Variants in PITPNC1 observed in about 807,000 individuals in gnomAD.
PITPNC1 encodes cytoplasmic phosphatidylinositol transfer protein 1.
In PITPNC1, 18 loss-of-function variants were observed where a neutral mutation model predicts 44.7. The ratio of observed to expected loss-of-function variants is 0.40; its 90% CI spans 0.28 to 0.60. The LOEUF (loss-of-function observed/expected upper bound fraction) is 0.60, where lower values mean the gene tolerates loss of function less well. PITPNC1 is among the 20% of genes least tolerant of loss of function. PITPNC1 has a pLI of 0.39. For synonymous variants in PITPNC1, 141 were observed against 149.6 expected (o/e 0.94, Z 0.42); for missense variants, 290 against 418.4 (o/e 0.69, Z 2.68).
chr17:67,428,839 CTT>C (rs369624053), intron 1 of PITPNC1, among the ~76,000 whole-genome samples: 1 of 113,186 alleles, frequency 8.8e-6, no homozygotes, highest in Non-Finnish European at 1.7e-5. Context: ...ACTTGTCTTG[CTT>C]TTTTTTTTTT....
intron 1 of PITPNC1, among the ~76,000 whole-genome samples, chr17:67,451,655 T>C (rs1472922959): frequency 1.3e-5 from 2 of 152,062 alleles, no homozygotes; most frequent in African/African-American, 4.8e-5. Context: ...TTGTTTTTTT[T>C]TGAGACAGAG....
intron 2 of PITPNC1, among the ~76,000 whole-genome samples, chr17:67,539,221 A>G (rs1286602408): frequency 6.6e-6 from 1 of 152,232 alleles, no homozygotes; most frequent in African/African-American, 2.4e-5. Context: ...AGTAAGAGAT[A>G]TAAACTGATA....
chr17:67,550,570 T>G (rs181531100), intron 2 of PITPNC1, among the ~76,000 whole-genome samples: 1 of 152,130 alleles, frequency 6.6e-6, no homozygotes, highest in Admixed American at 6.6e-5. Context: ...TCTATCAGCT[T>G]GGAATTCAAA....
At chr17:67,559,272 T>C (rs1178138554) in intron 4 of PITPNC1, among the ~76,000 whole-genome samples, 1 of 152,174 alleles carries the variant, frequency 6.6e-6, no homozygotes, top group South Asian at 2.1e-4. Flanking sequence ...ATGTTTATTA[T>C]ACCAGACCTC....
At chr17:67,470,599 C>T (rs1017569652) in intron 1 of PITPNC1, among the ~76,000 whole-genome samples, 3 of 152,244 alleles carry the variant, frequency 2.0e-5, no homozygotes, top group Middle Eastern at 3.4e-3. Context: ...CCCCCCTGCC[C>T]GGCCAGCCGC....
chr17:67,434,806 A>T (rs12450898), intron 1 of PITPNC1, among the ~76,000 whole-genome samples: 21 of 35,230 alleles, frequency 6.0e-4, no homozygotes, highest in African/African-American at 7.8e-4. Flanking sequence ...TCAAAAAAAA[A>T]AAAAAAATAA....
Position 67,553,462 on chromosome 17 carries a change from A to AT in PITPNC1, c.287-147dup, listed in dbSNP as rs368718352. 751 of 440,004 alleles carry AT rather than the reference A, an allele frequency of 1.7e-3. 6 individuals are homozygous for AT. Among genetic ancestry groups the AT allele is most frequent in the African/African-American group, 0.012 (598 of 49,312 alleles). The allele number at this position is 440,004 out of a possible 1,614,324, so 27.3% of individuals were successfully genotyped here. A position where few individuals can be genotyped will look rare whatever the true frequency, so the allele number is the denominator to read the frequency against. On this transcript the variant is annotated intron_variant, in intron 3 of 8. Transcript: ENST00000581322. ...TGCAACACGGAGACATTCAGTATTT[A>AT]TGAAAGTTTCATTAGGACATCTTTT...
intron 8 of PITPNC1, among the ~76,000 whole-genome samples, chr17:67,687,371 G>A (rs1321018573): frequency 2.0e-5 from 3 of 152,082 alleles, no homozygotes; most frequent in African/African-American, 7.2e-5. Context: ...CAGACATTTC[G>A]ATCCCTTAAA....
rs376649662 is a variant in PITPNC1 at position 67,532,877 on chromosome 17, G to A, written c.124G>A (p.Val42Ile). 80 of 1,605,970 alleles carry A rather than the reference G, an allele frequency of 5.0e-5. No homozygotes were observed. The highest frequency in any genetic ancestry group is 2.8e-4 in the South Asian group (25 of 88,972). The change falls in exon 2 of 9, where the codon GTC becomes ATC. Residue 42 changes from valine (V) to isoleucine (I), a missense_variant. Val to Ile is a conservative substitution (Grantham distance 29). Transcript: ENST00000581322. ...TGACCGGGGAGAAGGGGTGGAGGTC[G>A]TCCAGAATGAGCCCTTTGAGGACCC... ...QSDRGEGVEV[V>I]QNEPFEDPHH...
In PITPNC1 at chr17:67,413,451, A is replaced by C. The variant is rs544050730; in HGVS notation, c.48+35249A>C. ...TTTCTTTTTGGAAAAGTTTAAGGCT[A>C]TATAAAAAATAGAGAGAATGGGGCT... On this transcript the variant is annotated intron_variant, in intron 1 of 8. Transcript: ENST00000581322. Among the ~76,000 whole-genome samples, 3 of 55,654 alleles carry C rather than the reference A, an allele frequency of 5.4e-5. No homozygotes were observed. The South Asian group carries it at 1.5e-3, about 28-fold the overall frequency. The allele number at this position is 55,654 out of a possible 152,430, so 36.5% of individuals were successfully genotyped here. A position where few individuals can be genotyped will look rare whatever the true frequency, so the allele number is the denominator to read the frequency against.
intron 8 of PITPNC1, among the ~76,000 whole-genome samples, chr17:67,682,199 CAAAAAAGA>C (rs960967651): frequency 2.7e-5 from 4 of 150,606 alleles, no homozygotes; most frequent in African/African-American, 7.3e-5. Context: ...GACTCTGTCT[CAAAAAAGA>C]AAAAAAGAAA....
chr17:67,430,930 C>G (rs1479804521), intron 1 of PITPNC1, among the ~76,000 whole-genome samples: 1 of 152,002 alleles, frequency 6.6e-6, no homozygotes, highest in Non-Finnish European at 1.5e-5. Context: ...GCCTGTGTGA[C>G]AAAGCAAGAC....
At chr17:67,552,630 C>T (rs987721414) in intron 3 of PITPNC1, among the ~76,000 whole-genome samples, 1 of 151,900 alleles carries the variant, frequency 6.6e-6, no homozygotes, top group Non-Finnish European at 1.5e-5. Context: ...CCTGTAATCC[C>T]AGCACTTTGG....
At chr17:67,586,066 A>G (rs2706661) in intron 5 of PITPNC1, among the ~76,000 whole-genome samples, 24,959 of 152,080 alleles carry the variant, frequency 0.16, 2,840 homozygotes, top group African/African-American at 0.32. Context: ...CACATATTCC[A>G]GGAACTGTTG....
intron 4 of PITPNC1, among the ~76,000 whole-genome samples, chr17:67,559,460 G>T (rs1258545628): frequency 6.6e-6 from 1 of 152,192 alleles, no homozygotes; most frequent in African/African-American, 2.4e-5. Flanking sequence ...ATTTAGTGCA[G>T]TACATAATTT....
intron 1 of PITPNC1, among the ~76,000 whole-genome samples, chr17:67,474,837 GAA>G (rs2144014712): frequency 6.7e-6 from 1 of 149,770 alleles, no homozygotes; most frequent in East Asian, 1.9e-4. Context: ...TTTTTTTCTT[GAA>G]GAGGGGGACT....
At position 67,578,210 on chromosome 17, in the gene PITPNC1, A is replaced by C; in HGVS notation, c.319A>C (p.Ile107Leu). ...GTGTTCCTTTCTGCCGAAATTCTCC[A>C]TTCATATAGAAACCAAGTATGAGGA... ...YTCSFLPKFS[I>L]HIETKYEDNK... Residue 107 changes from isoleucine (I) to leucine (L), a missense_variant, in exon 5 of 9, where the codon ATT becomes CTT. By Grantham distance (5) the Ile-to-Leu change is conservative. Transcript: ENST00000581322. 6.2e-7 allele frequency: 1 copy of C among 1,612,736 alleles called. No homozygotes were observed. Among genetic ancestry groups the C allele is most frequent in the East Asian group, 2.2e-5 (1 of 44,882 alleles).
chr17:67,513,035 C>T (rs1215414081), intron 1 of PITPNC1, among the ~76,000 whole-genome samples: 1 of 151,956 alleles, frequency 6.6e-6, no homozygotes, highest in Non-Finnish European at 1.5e-5. Flanking sequence ...ATGGGATGCA[C>T]ACAATCATAT....
chr17:67,425,840 C>A (rs1284858196), intron 1 of PITPNC1, among the ~76,000 whole-genome samples: 1 of 152,076 alleles, frequency 6.6e-6, no homozygotes, highest in Non-Finnish European at 1.5e-5. Flanking sequence ...CAAAGTTTTT[C>A]TTAAAAGGCC....
Sources: gnomAD v4.1 joint callset for allele counts (sites outside exome capture counted in the v4.1 genomes callset) on GRCh38, gnomAD v4.1.1 for gene constraint, MANE v1.5 for transcripts, NCBI Gene and HGNC (gene_info 2026-07-23, HGNC 2026-07-21) for gene names.